ROBO1: variants seen among roughly 807,000 people sequenced by gnomAD.
ROBO1 encodes the protein roundabout homolog 1.
Under a neutral mutation model 195.9 loss-of-function variants are expected in ROBO1, and 149 were observed. The observed-to-expected ratio is 0.76, with a 90% CI of 0.67 to 0.87. The LOEUF (loss-of-function observed/expected upper bound fraction) is 0.87. ROBO1 is among the 40% of genes least tolerant of loss of function. The pLI is 0.00. For missense variants in ROBO1, 1,933 were observed against 2,068.3 expected (o/e 0.93, Z 1.27); for synonymous variants, 816 against 733.2 (o/e 1.11, Z -1.82).
At chr3:79,636,259 T>C (rs891815213) in intron 1 of ROBO1, among the ~76,000 whole-genome samples, 3 of 152,148 alleles carry the variant, frequency 2.0e-5, no homozygotes, top group African/African-American at 7.2e-5. Context: ...TTCATTGTCT[T>C]GTCGAATACA....
At chr3:79,740,213 TTA>T (rs950886769) in intron 1 of ROBO1, among the ~76,000 whole-genome samples, 87 of 116,994 alleles carry the variant, frequency 7.4e-4, no homozygotes, top group Non-Finnish European at 4.6e-4. Flanking sequence ...ATATATATAT[TTA>T]TATATATAAA....
chr3:79,153,605 T>G (rs2080809239), intron 2 of ROBO1, among the ~76,000 whole-genome samples: 3 of 151,282 alleles, frequency 2.0e-5, no homozygotes, highest in African/African-American at 7.3e-5. Flanking sequence ...TTACAGAAAA[T>G]AGCAAAAGAA....
intron 2 of ROBO1, among the ~76,000 whole-genome samples, chr3:79,250,748 T>C (rs2082713462): frequency 6.6e-6 from 1 of 152,124 alleles, no homozygotes; most frequent in Non-Finnish European, 1.5e-5. Flanking sequence ...TATGGAATAT[T>C]TTTTAGCTAT....
chr3:79,750,492 C>T (rs749805883), intron 1 of ROBO1, among the ~76,000 whole-genome samples: 17 of 152,130 alleles, frequency 1.1e-4, no homozygotes, highest in Admixed American at 2.0e-4. Context: ...TGGCTGTGTC[C>T]CCACCCAAAT....
chr3:79,547,860 G>A (rs1345278635), intron 2 of ROBO1, among the ~76,000 whole-genome samples: 1 of 152,074 alleles, frequency 6.6e-6, no homozygotes, highest in Non-Finnish European at 1.5e-5. Flanking sequence ...ATTTTAACAG[G>A]GGTAAAGTGG....
chr3:79,173,709 C>T (rs1368807438), intron 2 of ROBO1, among the ~76,000 whole-genome samples: 2 of 152,188 alleles, frequency 1.3e-5, no homozygotes, highest in African/African-American at 4.8e-5. Flanking sequence ...GGAGTGCGGG[C>T]ACAGGGTGCA....
chr3:79,535,328 A>G (rs1941816335), intron 2 of ROBO1, among the ~76,000 whole-genome samples: 1 of 152,152 alleles, frequency 6.6e-6, no homozygotes, highest in South Asian at 2.1e-4. Flanking sequence ...CACTCTGCAG[A>G]TGTCCCTCCT....
intron 1 of ROBO1, among the ~76,000 whole-genome samples, chr3:79,627,682 G>A (rs1047834309): frequency 1.3e-5 from 2 of 152,090 alleles, no homozygotes; most frequent in Non-Finnish European, 2.9e-5. Context: ...CTTCTGCACA[G>A]CAAAAGTAAC....
chr3:78,633,114 T>C (rs959352727), intron 24 of ROBO1, among the ~76,000 whole-genome samples: 5 of 152,184 alleles, frequency 3.3e-5, no homozygotes, highest in African/African-American at 1.2e-4. Context: ...TGGAGACTCT[T>C]GGCTAAAAGC....
At chr3:78,714,274 A>G (rs989032637) in intron 8 of ROBO1, 123 bp downstream of exon 8, 23 of 932,342 alleles carry the variant, frequency 2.5e-5, no homozygotes, top group Middle Eastern at 2.3e-4. Context: ...TTTGAAATAC[A>G]TTATTTAGAG....
At chr3:78,687,235 T>A (rs1234798981) in intron 9 of ROBO1, among the ~76,000 whole-genome samples, 7 of 152,230 alleles carry the variant, frequency 4.6e-5, no homozygotes, top group Admixed American at 1.3e-4. Context: ...AATATTTCCT[T>A]CTAAAATGCA....
At chr3:79,537,037 A>ATT (rs35483494) in intron 2 of ROBO1, among the ~76,000 whole-genome samples, 85,859 of 150,840 alleles carry the variant, frequency 0.57, 24,484 homozygotes, top group Non-Finnish European at 0.59. Context: ...AAGAAACAAT[A>ATT]TTTTTTTTTA....
chr3:79,581,798 A>C (rs1388629933), intron 2 of ROBO1, among the ~76,000 whole-genome samples: 1 of 152,130 alleles, frequency 6.6e-6, no homozygotes, highest in Non-Finnish European at 1.5e-5. Flanking sequence ...AAGAACTTTA[A>C]AAAAATTACT....
At chr3:79,014,640 C>CT (rs777081504) in intron 3 of ROBO1, among the ~76,000 whole-genome samples, 8 of 152,222 alleles carry the variant, frequency 5.3e-5, no homozygotes, top group Non-Finnish European at 1.0e-4. Flanking sequence ...CAGACTTCTG[C>CT]TTTTTATTTC....
intron 1 of ROBO1, among the ~76,000 whole-genome samples, chr3:79,713,426 G>T (rs993114219): frequency 2.0e-5 from 3 of 152,208 alleles, no homozygotes; most frequent in Admixed American, 1.3e-4. Flanking sequence ...ATGGGAGAAG[G>T]TCAAAAGGTA....
chr3:79,094,895 C>T (rs2079540709), intron 3 of ROBO1, among the ~76,000 whole-genome samples: 1 of 143,326 alleles, frequency 7.0e-6, no homozygotes, highest in South Asian at 2.3e-4. Context: ...TTCCCCTCAC[C>T]CTTCCTTCCC....
chr3:78,603,373 T>G (rs1703286551), intron 29 of ROBO1, among the ~76,000 whole-genome samples: 1 of 152,170 alleles, frequency 6.6e-6, no homozygotes, highest in African/African-American at 2.4e-5. Flanking sequence ...GAGTGAATTC[T>G]CTCTCTTCTG....
intron 2 of ROBO1, among the ~76,000 whole-genome samples, chr3:79,333,659 C>T (rs1021250581): frequency 1.3e-5 from 2 of 152,144 alleles, no homozygotes; most frequent in African/African-American, 4.8e-5. Flanking sequence ...CTCCAGCACA[C>T]CAAACACTCA....
chr3:78,800,000 C>T (rs887204037), intron 4 of ROBO1, among the ~76,000 whole-genome samples: 1 of 152,152 alleles, frequency 6.6e-6, no homozygotes, highest in Non-Finnish European at 1.5e-5. Flanking sequence ...CCAGTACCTC[C>T]TTACAGGGCC....
Sources: gnomAD v4.1 joint callset for allele counts (sites outside exome capture counted in the v4.1 genomes callset) on GRCh38, gnomAD v4.1.1 for gene constraint, MANE v1.5 for transcripts, NCBI Gene and HGNC (gene_info 2026-07-23, HGNC 2026-07-21) for gene names.